Variants in WASF2 observed in about 807,000 individuals in gnomAD.
WASF2 encodes actin-binding protein WASF2.
Under a neutral mutation model 45.0 loss-of-function variants are expected in WASF2, and 14 were observed. The observed-to-expected ratio is 0.31, with a 90% CI of 0.21 to 0.49. The LOEUF is 0.49. WASF2 is among the 20% of genes least tolerant of loss of function. WASF2 has a pLI of 0.99. For missense variants in WASF2, 439 were observed against 636.1 expected (o/e 0.69, Z 3.33); for synonymous variants, 200 against 236.3 (o/e 0.85, Z 1.41).
At chr1:27,422,476 A>C (rs2504768) in intron 2 of WASF2, among the ~76,000 whole-genome samples, 1 of 151,730 alleles carries the variant, frequency 6.6e-6, no homozygotes, top group South Asian at 2.1e-4. Context: ...AAAATTAGCC[A>C]GGCGTGTTGG....
chr1:27,487,646 A>G (rs1354841657), intron 1 of WASF2, among the ~76,000 whole-genome samples: 2 of 104,520 alleles, frequency 1.9e-5, no homozygotes, highest in South Asian at 2.4e-4. Flanking sequence ...AATATATATT[A>G]TATATTATAT....
intron 1 of WASF2, chr1:27,457,227 G>C (rs2017481745): frequency 6.6e-6 from 1 of 152,002 alleles, no homozygotes; most frequent in South Asian, 2.1e-4. Flanking sequence ...TCTTTTCCTA[G>C]GAGCTTGTCC....
At chr1:27,471,581 T>C (rs1417995054) in intron 1 of WASF2, among the ~76,000 whole-genome samples, 1 of 152,072 alleles carries the variant, frequency 6.6e-6, no homozygotes, top group African/African-American at 2.4e-5. Flanking sequence ...AAAGCCGAGA[T>C]GGCGCCACTG....
chr1:27,450,465 CAAGCT>C (rs2017369504), intron 1 of WASF2, among the ~76,000 whole-genome samples: 1 of 152,088 alleles, frequency 6.6e-6, no homozygotes, highest in African/African-American at 2.4e-5. Context: ...ATCTACCCAC[CAAGCT>C]GTCTGCCTTT....
At chr1:27,467,033 G>T (rs2017622276) in intron 1 of WASF2, among the ~76,000 whole-genome samples, 1 of 151,128 alleles carries the variant, frequency 6.6e-6, no homozygotes, top group African/African-American at 2.4e-5. Flanking sequence ...TGGGCAACAT[G>T]GAGAAACCCC....
At chr1:27,434,239 T>C (rs2017102462) in intron 1 of WASF2, among the ~76,000 whole-genome samples, 1 of 152,194 alleles carries the variant, frequency 6.6e-6, no homozygotes, top group Non-Finnish European at 1.5e-5. Context: ...GGGGGAGAAA[T>C]TTCTAGCATT....
chr1:27,488,612 T>C (rs2017979248), intron 1 of WASF2, among the ~76,000 whole-genome samples: 1 of 152,206 alleles, frequency 6.6e-6, no homozygotes, highest in Admixed American at 6.5e-5. Context: ...AAAGGGACTT[T>C]TACGACTTAC....
chr1:27,448,130 T>A (rs937664163), intron 1 of WASF2, among the ~76,000 whole-genome samples: 2 of 152,246 alleles, frequency 1.3e-5, no homozygotes, highest in African/African-American at 4.8e-5. Context: ...AAAGTCCTTT[T>A]TTGAGCCTTA....
chr1:27,454,187 A>ATAT (rs1469446976), intron 1 of WASF2, among the ~76,000 whole-genome samples: 2 of 12,774 alleles, frequency 1.6e-4, no homozygotes, highest in African/African-American at 4.1e-4. Flanking sequence ...ATATATATAT[A>ATAT]TTTTTTTTTT....
At chr1:27,431,471 A>C (rs920950314) in intron 1 of WASF2, among the ~76,000 whole-genome samples, 2 of 152,194 alleles carry the variant, frequency 1.3e-5, no homozygotes, top group African/African-American at 4.8e-5. Flanking sequence ...TTAGATTCCC[A>C]AATTTCAAAC....
At chr1:27,459,888 T>A (rs973830137) in intron 1 of WASF2, among the ~76,000 whole-genome samples, 1 of 152,236 alleles carries the variant, frequency 6.6e-6, no homozygotes, top group African/African-American at 2.4e-5. Flanking sequence ...TAGAATAATT[T>A]TGAAAGTTTA....
At chr1:27,489,514 C>T (rs1252092178) in intron 1 of WASF2, among the ~76,000 whole-genome samples, 1 of 151,424 alleles carries the variant, frequency 6.6e-6, no homozygotes, top group Non-Finnish European at 1.5e-5. Flanking sequence ...GCCGGGGCCT[C>T]AACGAGCACC....
chr1:27,438,006 G>A (rs944702812), intron 1 of WASF2, among the ~76,000 whole-genome samples: 1 of 152,064 alleles, frequency 6.6e-6, no homozygotes, highest in Admixed American at 6.6e-5. Flanking sequence ...ATATTTAAAC[G>A]ATTCTTTTTA....
In WASF2 at chr1:27,408,101, T is replaced by C; in HGVS notation, c.*88A>G. 6.7e-7 allele frequency: 1 copy of C among 1,492,538 alleles called. No homozygotes were observed. Among genetic ancestry groups the C allele is most frequent in the Non-Finnish European group, 9.0e-7 (1 of 1,109,900 alleles). 92.5% of individuals were successfully genotyped at this position (1,492,538 alleles called of 1,614,324 possible). A position where few individuals can be genotyped will look rare whatever the true frequency, so the allele number is the denominator to read the frequency against. Reference sequence around the variant, plus strand: ...CCTTAAAATTACTTTTTTCCTCCCTTTTCTCCCCCTACGGGTCTGTTGGGG... The same window carrying C: ...CCTTAAAATTACTTTTTTCCTCCCTCTTCTCCCCCTACGGGTCTGTTGGGG... On this transcript the variant is annotated 3_prime_UTR_variant, in exon 9 of 9. Coordinates refer to ENST00000618852, the MANE Select transcript of WASF2 (RefSeq NM_006990.5).
intron 1 of WASF2, among the ~76,000 whole-genome samples, chr1:27,472,191 C>T (rs1051626984): frequency 2.0e-5 from 3 of 151,824 alleles, no homozygotes; most frequent in African/African-American, 7.3e-5. Flanking sequence ...ATTAGCCGGG[C>T]ATGGTGGCGG....
chr1:27,424,275 T>C (rs534919580), intron 2 of WASF2, among the ~76,000 whole-genome samples: 2 of 152,346 alleles, frequency 1.3e-5, no homozygotes, highest in African/African-American at 2.4e-5. Flanking sequence ...CCCAGTCATC[T>C]TTCAAGGTCC....
At chr1:27,469,138 C>CTATACA (rs2017656065) in intron 1 of WASF2, among the ~76,000 whole-genome samples, 1 of 152,062 alleles carries the variant, frequency 6.6e-6, no homozygotes, top group African/African-American at 2.4e-5. Flanking sequence ...TTTTTTACAG[C>CTATACA]TATACACAGA....
intron 1 of WASF2, among the ~76,000 whole-genome samples, chr1:27,486,720 T>G (rs2017931253): frequency 6.6e-6 from 1 of 152,014 alleles, no homozygotes; most frequent in South Asian, 2.1e-4. Flanking sequence ...GGTCAGGAGT[T>G]TGAGACCAGC....
At chr1:27,422,676 G>C (rs549608635) in intron 2 of WASF2, among the ~76,000 whole-genome samples, 1 of 149,844 alleles carries the variant, frequency 6.7e-6, no homozygotes, top group Admixed American at 6.7e-5. Flanking sequence ...ATTTATACTC[G>C]TGTACTCATC....
Sources: allele counts gnomAD v4.1 joint callset (sites outside exome capture counted in the v4.1 genomes callset), GRCh38; gene constraint gnomAD v4.1.1; transcripts MANE v1.5; gene names NCBI Gene and HGNC (gene_info 2026-07-23, HGNC 2026-07-21).